The following RIIAD1 variants were observed in gnomAD, a reference collection of about 807,000 sequenced individuals.
RIIAD1 encodes regulatory subunit of type II PKA R-subunit domain containing 1, also known as RIIa domain-containing protein 1.
RIIAD1 carries 15 observed loss-of-function variants against 13.3 expected under a neutral mutation model. That is an observed-to-expected ratio of 1.13 (90% CI 0.76 to 1.74). RIIAD1 has a LOEUF of 1.74. Among genes scored for constraint, RIIAD1 ranks in the 40% most tolerant of loss-of-function variants. The probability of loss-of-function intolerance (pLI) is 0.00; values close to 1 mark genes in which losing one functional copy is unlikely to be tolerated. For missense variants in RIIAD1, 121 were observed against 112.2 expected, an observed-to-expected ratio of 1.08 and a Z score of -0.35; for synonymous variants, 50 against 43.3, an observed-to-expected ratio of 1.16 and a Z score of -0.61.
upstream of RIIAD1, among the ~76,000 whole-genome samples, chr1:151,717,021 C>T (rs928833053): frequency 2.0e-5 from 3 of 152,114 alleles, no homozygotes; most frequent in African/African-American, 7.2e-5. Flanking sequence ...ATCTTACTCC[C>T]CAGTCAGGAG....
At chr1:151,723,224 G>A (rs1292933559) in intron 2 of RIIAD1, among the ~76,000 whole-genome samples, 1 of 152,064 alleles carries the variant, frequency 6.6e-6, no homozygotes, top group African/African-American at 2.4e-5. Context: ...GTGAAACCCC[G>A]TCTCTACTAA....
chr1:151,716,103 G>T, intron 4 of RIIAD1: 2 of 1,429,110 alleles, frequency 1.4e-6, no homozygotes, highest in Non-Finnish European at 1.9e-6. Flanking sequence ...GAGATAAGTG[G>T]TGGGGCCCGG....
At chr1:151,712,089 G>C in intron 2 of RIIAD1, 1 of 152,268 alleles carries the variant, frequency 6.6e-6, no homozygotes, top group East Asian at 1.9e-4. Context: ...ACTTCCTGTG[G>C]GGAGCTCAGG....
At chr1:151,716,056 G>A (rs768131358) in intron 4 of RIIAD1, 2 of 1,579,354 alleles carry the variant, frequency 1.3e-6, no homozygotes, top group Non-Finnish European at 1.7e-6. Context: ...AGGGGAGCAG[G>A]GAGAGGCCCA....
At chr1:151,718,558 A>G (rs547604612), upstream of RIIAD1, among the ~76,000 whole-genome samples, 4 of 152,004 alleles carry the variant, frequency 2.6e-5, no homozygotes, top group East Asian at 7.7e-4. Flanking sequence ...ACCACCTCCC[A>G]TCCTTCCTTA....
chr1:151,714,761 C>T (rs1035647899), intron 4 of RIIAD1: 69 of 972,682 alleles, frequency 7.1e-5, no homozygotes, highest in South Asian at 6.3e-4. Flanking sequence ...CAAAGACTGA[C>T]GACTGGGAAG....
At chr1:151,715,185 G>C (rs1241854303) in intron 4 of RIIAD1, among the ~76,000 whole-genome samples, 1 of 152,098 alleles carries the variant, frequency 6.6e-6, no homozygotes, top group Non-Finnish European at 1.5e-5. Context: ...CCCTGTGCCA[G>C]GTGGAGGGGG....
At chr1:151,719,340 G>A (rs1673694666), upstream of RIIAD1, among the ~76,000 whole-genome samples, 1 of 152,206 alleles carries the variant, frequency 6.6e-6, no homozygotes, top group East Asian at 1.9e-4. Context: ...AGAGAGAGAG[G>A]CTTCCAGGAT....
At chr1:151,712,731 T>C (rs188567695) in intron 2 of RIIAD1, among the ~76,000 whole-genome samples, 202 of 152,274 alleles carry the variant, frequency 1.3e-3, no homozygotes, top group African/African-American at 4.8e-3. Flanking sequence ...GCCCAAAATA[T>C]CACCCTAGTA....
chr1:151,727,068 C>T (rs1443023419), intron 2 of RIIAD1, among the ~76,000 whole-genome samples: 1 of 152,128 alleles, frequency 6.6e-6, no homozygotes, highest in Non-Finnish European at 1.5e-5. Flanking sequence ...GTAGGAGGAT[C>T]GCTTGAGCCT....
chr1:151,728,893 G>A lies in RIIAD1; in HGVS notation c.*57G>A. 1.0e-6 allele frequency: 1 copy of A among 989,448 alleles called. No homozygotes were observed. The highest frequency in any genetic ancestry group is 1.6e-6 in the Non-Finnish European group (1 of 634,934). 61.3% of individuals were successfully genotyped at this position (989,448 alleles called of 1,614,324 possible). A position where few individuals can be genotyped will look rare whatever the true frequency, so the allele number is the denominator to read the frequency against. The stretch of plus-strand genomic sequence containing the variant: ...GAGACCAGACGGAATCCAGCCTCGG[G>A]GTGGGTGTTAACCTCACTTACAGAC... On this transcript the variant is annotated splice_region_variant and 3_prime_UTR_variant, in exon 4 of 5. Transcript: ENST00000479191.
chr1:151,725,107 C>CT (rs71759600), intron 2 of RIIAD1, among the ~76,000 whole-genome samples: 52,920 of 84,356 alleles, frequency 0.63, 18,693 homozygotes, highest in Middle Eastern at 0.74. Context: ...CGCACCTCGC[C>CT]TTTTTTTTTT....
intron 2 of RIIAD1, among the ~76,000 whole-genome samples, chr1:151,713,045 G>A (rs545925753): frequency 1.3e-5 from 2 of 152,310 alleles, no homozygotes; most frequent in African/African-American, 4.8e-5. Context: ...AACTGCCCTG[G>A]GTCTGTTCCT....
chr1:151,721,106 G>A (rs1673726005), upstream of RIIAD1, among the ~76,000 whole-genome samples: 1 of 152,114 alleles, frequency 6.6e-6, no homozygotes, highest in Non-Finnish European at 1.5e-5. Context: ...AAGAATCCAC[G>A]GCTCCAGTGT....
chr1:151,719,331 G>A (rs951259325), upstream of RIIAD1, among the ~76,000 whole-genome samples: 2 of 152,138 alleles, frequency 1.3e-5, no homozygotes, highest in African/African-American at 4.8e-5. Context: ...CTCTCTAGGA[G>A]AGAGAGAGGC....
At chr1:151,715,611 C>A (rs1673412645) in intron 4 of RIIAD1, 1 of 1,453,296 alleles carries the variant, frequency 6.9e-7, no homozygotes, top group Admixed American at 2.1e-5. Flanking sequence ...CCCATGACAT[C>A]AACACACCCA....
At chr1:151,719,961 A>G (rs1156564573), upstream of RIIAD1, among the ~76,000 whole-genome samples, 1 of 152,244 alleles carries the variant, frequency 6.6e-6, no homozygotes. Flanking sequence ...ATTGTCTAAT[A>G]TAATACAAGC....
intron 2 of RIIAD1, among the ~76,000 whole-genome samples, chr1:151,724,961 G>A (rs1434337488): frequency 2.6e-5 from 4 of 151,718 alleles, no homozygotes; most frequent in Non-Finnish European, 4.4e-5. Context: ...CACCACGCCC[G>A]GCTAATTATT....
intron 1 of RIIAD1, 138 bp downstream of exon 1, chr1:151,721,758 A>G: frequency 1.9e-6 from 1 of 529,680 alleles, no homozygotes. Flanking sequence ...GGCGCAGGGG[A>G]GACCCCCGGC....
Sources: allele counts gnomAD v4.1 joint callset (sites outside exome capture counted in the v4.1 genomes callset), GRCh38; gene constraint gnomAD v4.1.1; transcripts MANE v1.5; gene names NCBI Gene and HGNC (gene_info 2026-07-23, HGNC 2026-07-21).